The following DAB1 variants were observed in gnomAD, a reference collection of about 807,000 sequenced individuals.
The protein encoded by DAB1 is DAB adaptor protein 1, also known as disabled homolog 1.
Under a neutral mutation model 64.6 loss-of-function variants are expected in DAB1, and 15 were observed. That is an observed-to-expected ratio of 0.23 (90% CI 0.16 to 0.36). DAB1 has a LOEUF of 0.36. Ranked by LOEUF, DAB1 falls within the 10% of genes least tolerant of loss-of-function variation. The pLI is 1.00. For missense variants in DAB1, 596 were observed against 706.7 expected (o/e 0.84, Z 1.78); for synonymous variants, 235 against 251.9 (o/e 0.93, Z 0.64).
chr1:57,659,728 G>A (rs1646363211), intron 6 of DAB1, among the ~76,000 whole-genome samples: 1 of 152,052 alleles, frequency 6.6e-6, no homozygotes, highest in African/African-American at 2.4e-5. Flanking sequence ...GTAATCCCCA[G>A]CACTTTGGGA....
intron 4 of DAB1, among the ~76,000 whole-genome samples, chr1:58,336,409 A>T (rs184856758): frequency 7.6e-4 from 116 of 152,286 alleles, no homozygotes; most frequent in Non-Finnish European, 4.9e-4. Context: ...TGAGGTTGAG[A>T]TGTTTTATTT....
chr1:57,159,856 C>CAAAAAAAAAAAA (rs398049302), intron 2 of DAB1, among the ~76,000 whole-genome samples: 31 of 86,340 alleles, frequency 3.6e-4, no homozygotes, highest in African/African-American at 6.2e-4. Context: ...AGCAGCAAGA[C>CAAAAAAAAAAAA]AAAAAAAAAA....
At chr1:57,038,392 C>T (rs915337210) in intron 9 of DAB1, among the ~76,000 whole-genome samples, 13 of 152,118 alleles carry the variant, frequency 8.5e-5, no homozygotes, top group African/African-American at 3.1e-4. Flanking sequence ...AATGGAAATC[C>T]ATGAAGCTTC....
At chr1:57,648,417 A>T (rs931122306) in intron 7 of DAB1, among the ~76,000 whole-genome samples, 2 of 152,180 alleles carry the variant, frequency 1.3e-5, no homozygotes, top group African/African-American at 4.8e-5. Flanking sequence ...AAAAATTGAC[A>T]GTTGAGGAAT....
intron 3 of DAB1, 48 bp from the exon 4 acceptor site, chr1:57,136,689 A>T (rs1412647173): frequency 7.5e-7 from 1 of 1,333,264 alleles, no homozygotes; most frequent in Non-Finnish European, 1.0e-6. Context: ...TTCATTTGAA[A>T]ATTCTCTCTG....
chr1:57,242,978 C>T (rs1203957805), intron 2 of DAB1, among the ~76,000 whole-genome samples: 1 of 152,158 alleles, frequency 6.6e-6, no homozygotes, highest in African/African-American at 2.4e-5. Flanking sequence ...TGTGGCAGCA[C>T]AATTTGCATA....
At chr1:58,527,611 T>C (rs1339771471) in intron 1 of DAB1, among the ~76,000 whole-genome samples, 1 of 152,194 alleles carries the variant, frequency 6.6e-6, no homozygotes, top group Non-Finnish European at 1.5e-5. Context: ...TTTCCAATTA[T>C]AGTCTCCACC....
At chr1:57,565,808 C>T (rs555501603) in intron 7 of DAB1, among the ~76,000 whole-genome samples, 1 of 152,294 alleles carries the variant, frequency 6.6e-6, no homozygotes, top group Admixed American at 6.5e-5. Context: ...AGACTTAAGA[C>T]TCCCACACAA....
chr1:57,748,283 G>T (rs559100472), intron 6 of DAB1, among the ~76,000 whole-genome samples: 1 of 152,142 alleles, frequency 6.6e-6, no homozygotes, highest in Admixed American at 6.5e-5. Flanking sequence ...GCAGAATATT[G>T]CAGTCCTTAA....
intron 6 of DAB1, among the ~76,000 whole-genome samples, chr1:57,651,850 T>C (rs902668972): frequency 2.6e-5 from 4 of 152,284 alleles, no homozygotes; most frequent in South Asian, 2.1e-4. Context: ...AGTGAAACCA[T>C]CTTTGCAAAA....
chr1:57,861,371 C>T (rs1308373678), intron 1 of DAB1, among the ~76,000 whole-genome samples: 1 of 152,230 alleles, frequency 6.6e-6, no homozygotes, highest in Non-Finnish European at 1.5e-5. Flanking sequence ...TGAGGGCCCT[C>T]TTCTGGGTTA....
chr1:57,786,963 T>C (rs549519493), intron 6 of DAB1, among the ~76,000 whole-genome samples: 13 of 151,984 alleles, frequency 8.6e-5, no homozygotes, highest in Non-Finnish European at 1.8e-4. Flanking sequence ...ACAAAAACGA[T>C]GCAAATTTTT....
At chr1:57,388,377 C>T (rs1454801170) in intron 1 of DAB1, among the ~76,000 whole-genome samples, 1 of 152,216 alleles carries the variant, frequency 6.6e-6, no homozygotes, top group African/African-American at 2.4e-5. Flanking sequence ...CATCTCCTCC[C>T]TCAGAGTCCC....
chr1:57,531,334 T>G (rs998696654), intron 7 of DAB1, among the ~76,000 whole-genome samples: 2 of 152,118 alleles, frequency 1.3e-5, no homozygotes, highest in Non-Finnish European at 2.9e-5. Context: ...AATTTTCCAC[T>G]ACCCACCGAA....
At chr1:57,278,814 AG>A (rs1278898207) in intron 2 of DAB1, among the ~76,000 whole-genome samples, 1 of 152,228 alleles carries the variant, frequency 6.6e-6, no homozygotes, top group Non-Finnish European at 1.5e-5. Context: ...ACAGAACTGC[AG>A]GGCCCTTACA....
chr1:58,247,781 A>G (rs1026668494), intron 4 of DAB1, among the ~76,000 whole-genome samples: 1 of 50,914 alleles, frequency 2.0e-5, no homozygotes, highest in Non-Finnish European at 4.1e-5. Flanking sequence ...CCTCACCACC[A>G]CCCTCCCCAC....
At chr1:57,516,248 T>C (rs1406254960) in intron 7 of DAB1, among the ~76,000 whole-genome samples, 1 of 152,176 alleles carries the variant, frequency 6.6e-6, no homozygotes, top group Non-Finnish European at 1.5e-5. Flanking sequence ...AATAGGAGGT[T>C]AGGCTTTTGC....
intron 6 of DAB1, among the ~76,000 whole-genome samples, chr1:57,742,407 A>C (rs1021666658): frequency 1.3e-5 from 2 of 152,194 alleles, no homozygotes; most frequent in Non-Finnish European, 1.5e-5. Context: ...GATGGAGAAA[A>C]ACCAGCAAAG....
chr1:58,002,591 A>G (rs983068546), intron 5 of DAB1, among the ~76,000 whole-genome samples: 3 of 152,128 alleles, frequency 2.0e-5, no homozygotes, highest in Middle Eastern at 3.2e-3. Flanking sequence ...GTCATTTTCT[A>G]TAATGCAAAG....
Sources: allele counts gnomAD v4.1 joint callset (sites outside exome capture counted in the v4.1 genomes callset), GRCh38; gene constraint gnomAD v4.1.1; transcripts MANE v1.5; gene names NCBI Gene and HGNC (gene_info 2026-07-23, HGNC 2026-07-21).